Variants in UGT1A7 observed in about 807,000 individuals in gnomAD.
UGT1A7 encodes the protein UDP glucuronosyltransferase family 1 member A7.
UGT1A7 carries 33 observed loss-of-function variants against 45.6 expected under a neutral mutation model. That is an observed-to-expected ratio of 0.72 (90% CI 0.55 to 0.97). The LOEUF (loss-of-function observed/expected upper bound fraction) is 0.97. UGT1A7 is among the 50% of genes least tolerant of loss of function. UGT1A7 has a pLI of 0.00. For missense variants in UGT1A7, 684 were observed against 666.2 expected (o/e 1.03, Z -0.29); for synonymous variants, 274 against 250.6 (o/e 1.09, Z -0.88).
chr2:233,744,136 G>A, intron 1 of UGT1A7: 1 of 352,326 alleles, frequency 2.8e-6, no homozygotes, highest in Non-Finnish European at 5.4e-6. Flanking sequence ...GTGAGGCCCT[G>A]TGATGCTCCA....
At chr2:233,718,832 A>G (rs1187476814) in intron 1 of UGT1A7, 1 of 1,613,166 alleles carries the variant, frequency 6.2e-7, no homozygotes, top group African/African-American at 1.3e-5. Context: ...TGGCCAGAGG[A>G]CTCCAGGTTC....
At chr2:233,689,772 G>C in intron 1 of UGT1A7, 1 of 320,484 alleles carries the variant, frequency 3.1e-6, no homozygotes, top group Non-Finnish European at 6.2e-6. Flanking sequence ...ACAACTCGGG[G>C]ACATATGTTA....
At chr2:233,771,760 C>T (rs1700368197) in intron 4 of UGT1A7, 1 of 153,596 alleles carries the variant, frequency 6.5e-6, no homozygotes, top group Non-Finnish European at 1.4e-5. Context: ...CCCTTCCTTC[C>T]TCCGTCCCTC....
rs182452303 is a variant in UGT1A7, at chr2:233,698,543, T to C, written c.855+15751T>C. On this transcript the variant is annotated intron_variant, in intron 1 of 4. Coordinates refer to ENST00000373426, the MANE Select transcript of UGT1A7 (RefSeq NM_019077.3). ...ATACATAAAGTAAACAGAACACGAG[T>C]GGCCAACAAAACTTTAAGAACATGT... Among the ~76,000 whole-genome samples the C allele has an allele frequency of 5.0e-4, 76 of 152,258 alleles. 2 individuals carry two copies. Among genetic ancestry groups the C allele is most frequent in the Admixed American group, 4.9e-3 (75 of 15,286 alleles).
Position 233,712,926 on chromosome 2 carries a change from C to T in UGT1A7, c.855+30134C>T, listed in dbSNP as rs185804410. ...TGTCTCAGTGACAAGGTAATTAAGA[C>T]GAAGGAAACAATTCTAGGAGGCACA... On this transcript the variant is annotated intron_variant, in intron 1 of 4. Transcript: ENST00000373426. 3.1e-4 allele frequency: 497 copies of T among 1,611,970 alleles called. 2 individuals carry two copies. In the African/African-American group the frequency reaches 4.1e-3, roughly 13 times the overall value.
chr2:233,749,861 C>T (rs1160641293), intron 1 of UGT1A7, among the ~76,000 whole-genome samples: 2 of 151,980 alleles, frequency 1.3e-5, no homozygotes, highest in Non-Finnish European at 2.9e-5. Context: ...CTCTCACTTT[C>T]TGCCAGGATT....
chr2:233,719,296 C>G, intron 1 of UGT1A7: 1 of 1,613,940 alleles, frequency 6.2e-7, no homozygotes, highest in South Asian at 1.1e-5. Flanking sequence ...CTCTGTGGGG[C>G]GGTGCTGGCT....
intron 1 of UGT1A7, among the ~76,000 whole-genome samples, chr2:233,692,683 T>C (rs982840402): frequency 1.3e-5 from 2 of 151,996 alleles, no homozygotes; most frequent in Non-Finnish European, 1.5e-5. Flanking sequence ...TGGCAGGGGG[T>C]CCTCAGGGGT....
chr2:233,743,634 C>T (rs776464072), intron 1 of UGT1A7: 4 of 1,367,180 alleles, frequency 2.9e-6, no homozygotes, highest in Non-Finnish European at 2.0e-6. Flanking sequence ...TCGGCTGGGT[C>T]GCGGAAGCTG....
rs376158939 is a variant in UGT1A7, at chr2:233,709,141, G to A, written c.855+26349G>A. ...ATCATGGTGGCCAAGGGGATGAGAC[G>A]TGCTGATTGGTTGAGGCCTAGGTCA... On this transcript the variant is annotated intron_variant, in intron 1 of 4. Coordinates refer to ENST00000373426, the MANE Select transcript of UGT1A7 (RefSeq NM_019077.3). Among the ~76,000 whole-genome samples, 18 of 152,236 alleles carry A rather than the reference G, an allele frequency of 1.2e-4. No homozygotes were observed. The East Asian group carries it at 2.1e-3, about 18-fold the overall frequency.
intron 1 of UGT1A7, among the ~76,000 whole-genome samples, chr2:233,765,710 AT>A (rs1243221658): frequency 7.2e-6 from 1 of 138,280 alleles, no homozygotes; most frequent in East Asian, 2.2e-4. Context: ...AATAATAATA[AT>A]TAATAATAAT....
intron 1 of UGT1A7, among the ~76,000 whole-genome samples, chr2:233,763,758 G>C (rs1698394922): frequency 6.6e-6 from 1 of 152,148 alleles, no homozygotes; most frequent in South Asian, 2.1e-4. Flanking sequence ...TGTGTCTGAA[G>C]GAAAAGAGAT....
At position 233,767,811 on chromosome 2, in the gene UGT1A7, G is replaced by C. The variant is rs887887266; in HGVS notation, c.988-38G>C. 1.2e-5 allele frequency: 19 copies of C among 1,614,006 alleles called. No individual in the cohort carries two copies. In the Admixed American group the frequency reaches 2.8e-4, roughly 24 times the overall value. On this transcript the variant is annotated intron_variant, in intron 2 of 4. Coordinates refer to ENST00000373426, the MANE Select transcript of UGT1A7 (RefSeq NM_019077.3). ...CAGATTTGTTTTCTAATCATATTAT[G>C]TTCTTTCTTTACGTTCTGCTCTTTT...
chr2:233,742,393 A>G (rs1691967380), intron 1 of UGT1A7, among the ~76,000 whole-genome samples: 1 of 151,992 alleles, frequency 6.6e-6, no homozygotes, highest in African/African-American at 2.4e-5. Context: ...GGCTCATGTT[A>G]TTATTTGTAG....
At chr2:233,714,005 A>C in intron 1 of UGT1A7, 1 of 1,542,996 alleles carries the variant, frequency 6.5e-7, no homozygotes, top group Non-Finnish European at 8.7e-7. Context: ...CAGTGAGATA[A>C]ACTTTTAAAG....
At chr2:233,696,875 A>C (rs994045666) in intron 1 of UGT1A7, among the ~76,000 whole-genome samples, 1 of 152,206 alleles carries the variant, frequency 6.6e-6, no homozygotes, top group Non-Finnish European at 1.5e-5. Context: ...AGCATCTACA[A>C]CATATGAGTT....
In UGT1A7 at chr2:233,747,539, A is replaced by G; in HGVS notation, c.856-19495A>G. 4 of 1,604,572 alleles carry G rather than the reference A, an allele frequency of 2.5e-6. No individual in the cohort carries two copies. The South Asian group carries it at 3.3e-5, about 13-fold the overall frequency. ...TTGAAACAGAACATTTTCTGAAGAC[A>G]TTTTCTAAAAGTATGGCAATTTTGA... On this transcript the variant is annotated intron_variant, in intron 1 of 4. Transcript: ENST00000373426.
At chr2:233,717,510 G>T (rs1057270188) in intron 1 of UGT1A7, among the ~76,000 whole-genome samples, 6 of 152,198 alleles carry the variant, frequency 3.9e-5, no homozygotes, top group Admixed American at 3.9e-4. Context: ...ATTTCTAATG[G>T]GAGTAACTTC....
At chr2:233,684,806 C>T (rs1318137927) in intron 1 of UGT1A7, among the ~76,000 whole-genome samples, 1 of 152,164 alleles carries the variant, frequency 6.6e-6, no homozygotes, top group African/African-American at 2.4e-5. Context: ...TATGGCTCAA[C>T]CACAAAAGTA....
Sources: gnomAD v4.1 joint callset for allele counts (sites outside exome capture counted in the v4.1 genomes callset) on GRCh38, gnomAD v4.1.1 for gene constraint, MANE v1.5 for transcripts, NCBI Gene and HGNC (gene_info 2026-07-23, HGNC 2026-07-21) for gene names.